MYO3B: variants seen among roughly 807,000 people sequenced by gnomAD.
MYO3B encodes myosin IIIB.
In MYO3B, 156 loss-of-function variants were observed where a neutral mutation model predicts 174.6. The ratio of observed to expected loss-of-function variants is 0.89; its 90% CI spans 0.78 to 1.02. The LOEUF is 1.02. Among genes scored for constraint, MYO3B ranks in the 50% least tolerant of loss-of-function variants. The pLI is 0.00. For missense variants in MYO3B, 1,632 were observed against 1,639.4 expected (o/e 1.00, Z 0.08); for synonymous variants, 563 against 569.1 (o/e 0.99, Z 0.15).
intron 13 of MYO3B, 109 bp downstream of exon 13, chr2:170,386,381 G>A: frequency 2.3e-6 from 2 of 852,392 alleles, no homozygotes; most frequent in Non-Finnish European, 3.6e-6. Context: ...CTTACATAAA[G>A]ACATTCCATC....
At chr2:170,228,960 C>CAAAAAAAAAAAAAAAAAA (rs539746576) in intron 6 of MYO3B, among the ~76,000 whole-genome samples, 1 of 98,324 alleles carries the variant, frequency 1.0e-5, no homozygotes, top group Non-Finnish European at 2.2e-5. Flanking sequence ...ATTCCCTTTA[C>CAAAAAAAAAAAAAAAAAA]AAAAAAAAAA....
chr2:170,624,551 C>G (rs910555804), intron 32 of MYO3B, among the ~76,000 whole-genome samples: 4 of 152,068 alleles, frequency 2.6e-5, no homozygotes, highest in Non-Finnish European at 2.9e-5. Flanking sequence ...ATTGAGTACC[C>G]TTTCTTTCTT....
intron 22 of MYO3B, among the ~76,000 whole-genome samples, chr2:170,443,116 G>A (rs567552272): frequency 1.3e-5 from 2 of 152,298 alleles, no homozygotes; most frequent in Admixed American, 1.3e-4. Flanking sequence ...CACCAATAGT[G>A]TAAAAGTGTT....
At position 170,483,375 on chromosome 2, in the gene MYO3B, C is replaced by CTTTTTTTTTTTT. The variant is rs61527598; in HGVS notation, c.3015-15199_3015-15188dup. ...AATTAAAACTCCTTGCTTGGGGATT[C>CTTTTTTTTTTTT]TTTTTTTTTTTTTTTTTTTTTTTTT... On this transcript the variant is annotated intron_variant, in intron 25 of 34. Coordinates refer to ENST00000408978, the MANE Select transcript of MYO3B (RefSeq NM_138995.5). 1.6e-3 allele frequency among the ~76,000 whole-genome samples: 100 copies of CTTTTTTTTTTTT among 62,102 alleles called. 9 individuals are homozygous for CTTTTTTTTTTTT. Among genetic ancestry groups the CTTTTTTTTTTTT allele is most frequent in the Non-Finnish European group, 2.2e-3 (76 of 34,702 alleles). 40.7% of individuals were successfully genotyped at this position (62,102 alleles called of 152,430 possible).
intron 7 of MYO3B, among the ~76,000 whole-genome samples, chr2:170,255,436 T>G (rs1320270617): frequency 6.6e-6 from 1 of 152,166 alleles, no homozygotes; most frequent in Admixed American, 6.5e-5. Context: ...TGCTGGCCCT[T>G]ACTCTTAAGC....
chr2:170,181,865 G>T (rs2092403526), intron 1 of MYO3B, among the ~76,000 whole-genome samples: 1 of 152,078 alleles, frequency 6.6e-6, no homozygotes, highest in Non-Finnish European at 1.5e-5. Context: ...CGCTCATGTT[G>T]TCTCAGAGTG....
chr2:170,307,480 T>C (rs2093708558), intron 7 of MYO3B, among the ~76,000 whole-genome samples: 1 of 152,184 alleles, frequency 6.6e-6, no homozygotes, highest in African/African-American at 2.4e-5. Flanking sequence ...ATCAATATAA[T>C]AGAGAATGTA....
At position 170,515,028 on chromosome 2, in the gene MYO3B, G is replaced by A. The variant is rs374397008; in HGVS notation, c.3472+6G>A. On this transcript the variant is annotated splice_donor_region_variant and intron_variant, in intron 29 of 34. Coordinates refer to ENST00000408978, the MANE Select transcript of MYO3B (RefSeq NM_138995.5). Reference sequence around the variant, plus strand: ...CGAGCCTGGTGACCATAAAGGTAGAGTCTTTCGAGATTTAGAATGAGTGTT... The same window carrying A: ...CGAGCCTGGTGACCATAAAGGTAGAATCTTTCGAGATTTAGAATGAGTGTT... 3 of 1,612,488 alleles carry A rather than the reference G, an allele frequency of 1.9e-6. No individual in the cohort carries two copies. The highest frequency in any genetic ancestry group is 2.5e-6 in the Non-Finnish European group (3 of 1,179,014).
At chr2:170,648,749 TG>T (rs1322564496) in intron 32 of MYO3B, among the ~76,000 whole-genome samples, 1,539 of 107,574 alleles carry the variant, frequency 0.014, 70 homozygotes, top group African/African-American at 0.049. Context: ...TTCTATATAA[TG>T]TATTATATAT....
chr2:170,577,610 T>C (rs1206476763), intron 32 of MYO3B, among the ~76,000 whole-genome samples: 2 of 152,232 alleles, frequency 1.3e-5, no homozygotes, highest in East Asian at 3.8e-4. Flanking sequence ...TACAAGAATA[T>C]GAATTCCTCA....
chr2:170,643,744 G>C (rs1212490217), intron 32 of MYO3B: 1 of 152,294 alleles, frequency 6.6e-6, no homozygotes, highest in Non-Finnish European at 1.5e-5. Context: ...GAGGGTGCCA[G>C]GGTCTATGGC....
chr2:170,605,792 A>G (rs781033876), intron 32 of MYO3B, among the ~76,000 whole-genome samples: 35 of 152,060 alleles, frequency 2.3e-4, no homozygotes, highest in South Asian at 8.3e-4. Flanking sequence ...CCCAGGAGGC[A>G]GAGGTTGTAG....
At chr2:170,234,278 A>G (rs1020430181) in intron 6 of MYO3B, among the ~76,000 whole-genome samples, 1 of 152,196 alleles carries the variant, frequency 6.6e-6, no homozygotes, top group Non-Finnish European at 1.5e-5. Context: ...TAATTTATAA[A>G]GAACAGAAAT....
intron 19 of MYO3B, among the ~76,000 whole-genome samples, chr2:170,403,871 A>G (rs1445454472): frequency 6.6e-6 from 1 of 152,152 alleles, no homozygotes; most frequent in Non-Finnish European, 1.5e-5. Context: ...TTCCAACCCT[A>G]GATGATTCCT....
intron 32 of MYO3B, among the ~76,000 whole-genome samples, chr2:170,575,761 C>A (rs1212122740): frequency 2.0e-5 from 3 of 152,078 alleles, no homozygotes; most frequent in African/African-American, 7.2e-5. Context: ...TCTAATATTT[C>A]CTCTAATACA....
At chr2:170,487,894 A>G (rs76682363) in intron 25 of MYO3B, among the ~76,000 whole-genome samples, 12,073 of 152,304 alleles carry the variant, frequency 0.079, 599 homozygotes, top group South Asian at 0.16. Context: ...TTTATCTAAA[A>G]TGGTGATTCT....
intron 23 of MYO3B, among the ~76,000 whole-genome samples, chr2:170,461,732 C>T (rs868494873): frequency 7.3e-5 from 11 of 150,382 alleles, no homozygotes; most frequent in Middle Eastern, 3.4e-3. Context: ...GCTGAGATCG[C>T]GCCATTGCAC....
Position 170,653,010 on chromosome 2 carries a change from T to C in MYO3B, c.3915T>C (p.Asp1305=). 1.2e-6 allele frequency: 2 copies of C among 1,614,204 alleles called. No individual in the cohort carries two copies. The highest frequency in any genetic ancestry group is 1.7e-6 in the Non-Finnish European group (2 of 1,180,034). The change falls in exon 35 of 35, where the codon GAT becomes GAC. Residue 1305 remains aspartate (D), a synonymous_variant. Transcript: ENST00000408978. The part of the protein sequence containing the change: ...LGQIKVLDGE[D]EYYKSLSPVD... ...AAATCAAAGTACTTGATGGGGAAGA[T>C]GAATATTACAAATCTCTGTCACCAG...
intron 32 of MYO3B, among the ~76,000 whole-genome samples, chr2:170,569,111 C>T (rs951681712): frequency 6.1e-5 from 7 of 115,126 alleles, no homozygotes; most frequent in African/African-American, 1.6e-4. Context: ...TATAAAATTG[C>T]GAACGTTTTT....
Sources: gnomAD v4.1 joint callset for allele counts (sites outside exome capture counted in the v4.1 genomes callset) on GRCh38, gnomAD v4.1.1 for gene constraint, MANE v1.5 for transcripts, NCBI Gene and HGNC (gene_info 2026-07-23, HGNC 2026-07-21) for gene names.